The following ZFYVE9 variants were observed in gnomAD, a reference collection of about 807,000 sequenced individuals.
ZFYVE9 encodes zinc finger FYVE-type containing 9.
A neutral mutation model predicts 126.7 loss-of-function variants in ZFYVE9; 43 were observed. The observed-to-expected ratio is 0.34, with a 90% CI of 0.27 to 0.44. The LOEUF is 0.44. ZFYVE9 is among the 20% of genes least tolerant of loss of function. The pLI, the probability that ZFYVE9 is intolerant of heterozygous loss-of-function variation, is 1.00. For synonymous variants in ZFYVE9, 521 were observed against 597.4 expected (o/e 0.87, Z 1.87); for missense variants, 1,476 against 1,697.0 (o/e 0.87, Z 2.29).
At chr1:52,263,069 A>G (rs1475830121) in intron 4 of ZFYVE9, among the ~76,000 whole-genome samples, 1 of 139,238 alleles carries the variant, frequency 7.2e-6, no homozygotes, top group East Asian at 2.1e-4. Flanking sequence ...ACAGAGTCAA[A>G]TTGTGTCTCA....
chr1:52,269,059 C>T (rs1037024646), intron 7 of ZFYVE9, among the ~76,000 whole-genome samples: 2 of 152,174 alleles, frequency 1.3e-5, no homozygotes, highest in Non-Finnish European at 2.9e-5. Flanking sequence ...CAGAGTGGTA[C>T]ACTTGTTACA....
At chr1:52,232,587 A>C (rs1645233218) in intron 2 of ZFYVE9, among the ~76,000 whole-genome samples, 1 of 151,856 alleles carries the variant, frequency 6.6e-6, no homozygotes, top group East Asian at 1.9e-4. Context: ...AATTAGCTGG[A>C]CATGGTGGTG....
chr1:52,231,959 T>C (rs865850788), intron 2 of ZFYVE9, among the ~76,000 whole-genome samples: 4 of 152,334 alleles, frequency 2.6e-5, no homozygotes, highest in East Asian at 1.9e-4. Context: ...TTAAATTCCC[T>C]GAGCTTGTTT....
chr1:52,289,132 G>A (rs564761863), intron 10 of ZFYVE9, among the ~76,000 whole-genome samples: 3 of 152,126 alleles, frequency 2.0e-5, no homozygotes, highest in African/African-American at 7.2e-5. Flanking sequence ...TTGAAAAACA[G>A]TTTAAATTCC....
intron 1 of ZFYVE9, among the ~76,000 whole-genome samples, chr1:52,153,794 C>A (rs1354209115): frequency 6.6e-6 from 1 of 152,162 alleles, no homozygotes; most frequent in Non-Finnish European, 1.5e-5. Flanking sequence ...TCCGTAGAGC[C>A]CCACATTGCA....
chr1:52,287,154 A>G (rs138999322), intron 10 of ZFYVE9, among the ~76,000 whole-genome samples: 466 of 152,130 alleles, frequency 3.1e-3, no homozygotes, highest in Non-Finnish European at 5.3e-3. Flanking sequence ...CAGTGTTGCG[A>G]TCTTGGCACC....
rs562086140 is a variant in ZFYVE9 at position 52,272,958 on chromosome 1, G to A, written c.2626-1506G>A. On this transcript the variant is annotated intron_variant, in intron 7 of 18. Transcript: ENST00000287727. ...ATTACGGGCGTGAGCCACTGTACCC[G>A]GCCGTATGAATATTGTTATACATGT... 4.6e-5 allele frequency among the ~76,000 whole-genome samples: 7 copies of A among 152,070 alleles called. No individual in the cohort carries two copies. In the East Asian group the frequency reaches 7.7e-4, roughly 17 times the overall value.
rs370635739 is a variant in ZFYVE9, at chr1:52,238,814, T to C, written c.1397T>C (p.Ile466Thr). ...ESEECDFSTV[I>T]DTPAANYLSN... Reference sequence around the variant, plus strand: ...GAAGAATGTGATTTCTCCACTGTTATAGACACACCAGCAGCAAATTATCTA... The same window carrying C: ...GAAGAATGTGATTTCTCCACTGTTACAGACACACCAGCAGCAAATTATCTA... Residue 466 changes from isoleucine to threonine, a missense_variant, in exon 4 of 19, where the codon ATA becomes ACA. Around this residue, in one of 2 missense-constraint regions of ZFYVE9, gnomAD observed 807 missense variants for 794.6 expected, o/e 1.02. Coordinates refer to ENST00000287727, the MANE Select transcript of ZFYVE9 (RefSeq NM_004799.4). The C allele has an allele frequency of 6.8e-5, 109 of 1,614,124 alleles. No individual in the cohort carries two copies. The highest frequency in any genetic ancestry group is 1.7e-4 in the Admixed American group (10 of 60,016).
intron 1 of ZFYVE9, among the ~76,000 whole-genome samples, chr1:52,198,121 T>TTG (rs1491334132): frequency 1.5e-4 from 1 of 6,710 alleles, no homozygotes; most frequent in Non-Finnish European, 7.0e-4. Context: ...TTTTTTTTTG[T>TTG]TTGTTTTTTT....
intron 1 of ZFYVE9, among the ~76,000 whole-genome samples, chr1:52,182,769 A>T (rs1644724585): frequency 6.6e-6 from 1 of 151,844 alleles, no homozygotes; most frequent in Admixed American, 6.6e-5. Flanking sequence ...AAAAAATAAA[A>T]AAAAATAAAT....
rs1644321196 is a variant in ZFYVE9 at position 52,148,120 on chromosome 1, GC to G, written c.-143+5718del. On this transcript the variant is annotated intron_variant, in intron 1 of 18. Transcript: ENST00000287727. ...TACAGTCATTAGGTAAATTGTTGAA[GC>G]TTTTACTTGCAGATGCATTGCCAGA... Among the ~76,000 whole-genome samples the G allele has an allele frequency of 2.0e-5, 3 of 151,802 alleles. No homozygotes were observed. The South Asian group carries it at 6.3e-4, about 32-fold the overall frequency.
intron 15 of ZFYVE9, among the ~76,000 whole-genome samples, chr1:52,336,900 T>G (rs1646394703): frequency 6.9e-6 from 1 of 145,212 alleles, no homozygotes; most frequent in Admixed American, 7.1e-5. Flanking sequence ...TGCATTATGA[T>G]CGTCCCTGTG....
In ZFYVE9 at chr1:52,219,804, G is replaced by T. The variant is rs866704638; in HGVS notation, c.-37+3330G>T. On this transcript the variant is annotated intron_variant, in intron 2 of 18. Transcript: ENST00000287727. ...GTGTGTGTGTGTGTGTGTGTGTGTG[G>T]CAGAGTCTTACTCTGTCGCCCGGGC... is the stretch of plus-strand genomic sequence containing the variant. Among the ~76,000 whole-genome samples the T allele has an allele frequency of 5.8e-3, 513 of 88,102 alleles. 2 individuals are homozygous for T. The highest frequency in any genetic ancestry group is 0.039 in the Middle Eastern group (6 of 154). 57.8% of individuals were successfully genotyped at this position (88,102 alleles called of 152,430 possible). A position where few individuals can be genotyped will look rare whatever the true frequency, so the allele number is the denominator to read the frequency against.
chr1:52,189,048 C>T (rs941127655), intron 1 of ZFYVE9, among the ~76,000 whole-genome samples: 2 of 151,958 alleles, frequency 1.3e-5, no homozygotes, highest in Non-Finnish European at 2.9e-5. Context: ...AGTGATTCTT[C>T]TGCCTCAGCC....
chr1:52,144,501 C>T (rs1644290392), intron 1 of ZFYVE9, among the ~76,000 whole-genome samples: 1 of 152,050 alleles, frequency 6.6e-6, no homozygotes, highest in African/African-American at 2.4e-5. Flanking sequence ...CTCCCTGATT[C>T]TTAGACCTAC....
intron 1 of ZFYVE9, among the ~76,000 whole-genome samples, chr1:52,173,126 T>C (rs1644589636): frequency 2.6e-5 from 4 of 152,132 alleles, no homozygotes; most frequent in Admixed American, 1.3e-4. Flanking sequence ...CAGTATGATA[T>C]TGGCTGTTGG....
chr1:52,242,031 CTTTTTTTTTTTT>C (rs975430437), intron 4 of ZFYVE9, among the ~76,000 whole-genome samples: 2 of 106,440 alleles, frequency 1.9e-5, no homozygotes, highest in South Asian at 3.1e-4. Context: ...TCATGGCAAT[CTTTTTTTTTTTT>C]TTTTTTTTTT....
chr1:52,270,412 C>T (rs569545754), intron 7 of ZFYVE9, among the ~76,000 whole-genome samples: 32 of 152,122 alleles, frequency 2.1e-4, no homozygotes, highest in Non-Finnish European at 3.1e-4. Context: ...AACAGGCGCC[C>T]GCCACCATGC....
chr1:52,343,538 C>T (rs897473046), intron 17 of ZFYVE9, among the ~76,000 whole-genome samples: 34 of 150,384 alleles, frequency 2.3e-4, no homozygotes, highest in Non-Finnish European at 4.7e-4. Flanking sequence ...GGAGGATCAC[C>T]TAAGGTCAGG....
Sources: allele counts gnomAD v4.1 joint callset (sites outside exome capture counted in the v4.1 genomes callset), GRCh38; gene constraint gnomAD v4.1.1; regional missense constraint gnomAD v4.1.1; transcripts MANE v1.5; gene names NCBI Gene and HGNC (gene_info 2026-07-23, HGNC 2026-07-21).